Variants in ABCA4 observed in about 807,000 individuals in gnomAD.
ABCA4 encodes ATP binding cassette subfamily A member 4, also known as retinal-specific phospholipid-transporting ATPase ABCA4.
In ABCA4, 196 loss-of-function variants were observed where a neutral mutation model predicts 263.7. The observed-to-expected ratio is 0.74, with a 90% CI of 0.66 to 0.84. The LOEUF (loss-of-function observed/expected upper bound fraction) is 0.84. Among genes scored for constraint, ABCA4 ranks in the 40% least tolerant of loss-of-function variants. The pLI, the probability that ABCA4 is intolerant of heterozygous loss-of-function variation, is 0.00. For missense variants in ABCA4, 2,792 were observed against 2,855.1 expected, an observed-to-expected ratio of 0.98 and a Z score of 0.50; for synonymous variants, 1,133 against 1,094.2, an observed-to-expected ratio of 1.04 and a Z score of -0.70.
intron 26 of ABCA4, 86 bp downstream of exon 26, chr1:94,036,654 C>G: frequency 7.0e-7 from 1 of 1,424,572 alleles, no homozygotes; most frequent in Non-Finnish European, 9.9e-7. Flanking sequence ...CAGGCATGAG[C>G]CACTGTGCCC....
chr1:94,106,306 A>G (rs1323803783), intron 4 of ABCA4, among the ~76,000 whole-genome samples: 1 of 152,186 alleles, frequency 6.6e-6, no homozygotes, highest in Non-Finnish European at 1.5e-5. Flanking sequence ...TCCACATTGT[A>G]AAAGCCACAG....
At chr1:94,111,342 C>G in intron 3 of ABCA4, 96 bp downstream of exon 3, 2 of 1,507,044 alleles carry the variant, frequency 1.3e-6, no homozygotes, top group Non-Finnish European at 1.8e-6. Flanking sequence ...CACAAGAACA[C>G]TCAGTGCTCC....
intron 17 of ABCA4, among the ~76,000 whole-genome samples, 195 bp downstream of exon 17, chr1:94,051,438 C>T (rs938040692): frequency 4.6e-5 from 7 of 152,204 alleles, no homozygotes; most frequent in African/African-American, 1.7e-4. Flanking sequence ...CATGATCACA[C>T]AGGGCCCAGC....
At chr1:94,054,980 T>G in intron 16 of ABCA4, 131 bp downstream of exon 16, 1 of 992,022 alleles carries the variant, frequency 1.0e-6, no homozygotes. Context: ...GATTTTTAAC[T>G]TCTAGATTTA....
rs1427296561 is a variant in ABCA4, at chr1:94,001,865, A to G, written c.6275T>C (p.Val2092Ala). The change falls in exon 45 of 50, where the codon GTG becomes GCG. Residue 2092 changes from valine (V) to alanine (A), a missense_variant. By Grantham distance (64) the Val-to-Ala change is moderately conservative. Transcript: ENST00000370225. Reference sequence around the variant, plus strand: ...GCCCAAGCCCGCAGTTACCAGCAGCACCAGCGGTGGGCAGCCAATGAGTGC... The same window carrying G: ...GCCCAAGCCCGCAGTTACCAGCAGCGCCAGCGGTGGGCAGCCAATGAGTGC... ...AIALIGCPPL[V>A]LLDEPTTGMD... is the part of the protein sequence containing the mutation. The G allele has an allele frequency of 5.0e-6, 8 of 1,614,220 alleles. No individual in the cohort carries two copies. The South Asian group carries it at 8.8e-5, about 18-fold the overall frequency.
intron 47 of ABCA4, among the ~76,000 whole-genome samples, chr1:93,999,837 C>G (rs1255583308): frequency 2.0e-5 from 3 of 152,182 alleles, no homozygotes; most frequent in Non-Finnish European, 2.9e-5. Context: ...GGAGACTTCC[C>G]TTTCTCCAGC....
In ABCA4 at chr1:94,014,675, G is replaced by A; in HGVS notation, c.5328C>T (p.Pro1776=). ...LLLLYGWAVI[P]MMYPASFLFD... is the part of the protein sequence containing the mutation. ...ACAGGAAGGATGCTGGGTACATCAT[G>A]GGAATGACCGCCCATCTGTGTGAAA... Residue 1776 remains proline, a synonymous_variant, in exon 38 of 50, where the codon CCC becomes CCT. Coordinates refer to ENST00000370225, the MANE Select transcript of ABCA4 (RefSeq NM_000350.3). The A allele has an allele frequency of 6.2e-7, 1 of 1,614,178 alleles. No individual in the cohort carries two copies. Among genetic ancestry groups the A allele is most frequent in the Non-Finnish European group, 8.5e-7 (1 of 1,180,030 alleles).
intron 31 of ABCA4, among the ~76,000 whole-genome samples, chr1:94,024,128 GTTA>G (rs1275074184): frequency 1.3e-5 from 2 of 152,316 alleles, no homozygotes; most frequent in African/African-American, 4.8e-5. Flanking sequence ...GTGTGTTCTA[GTTA>G]ATTAAGTCAA....
chr1:93,993,288 G>A (rs1162295462), intron 49 of ABCA4, 46 bp from the exon 50 acceptor site: 1 of 1,613,354 alleles, frequency 6.2e-7, no homozygotes, highest in Non-Finnish European at 8.5e-7. Flanking sequence ...GGTTTTCTGA[G>A]ATGCTGTACT....
chr1:94,021,377 CA>C lies in ABCA4; in HGVS notation c.4880del (p.Leu1627ArgfsTer35), dbSNP rs763911476. Reference protein sequence around the residue: ...VWFNNKGWHALVSFLNVAHNA... With the variant: ...VWFNNKGWHAXVSFLNVAHNA... ...TGTGGGCCACATTGAGAAAGCTGAC[CA>C]GGGCATGCCAGCCTTTGTTATTAAA... On this transcript the variant is annotated frameshift_variant, in exon 35 of 50. Coordinates refer to ENST00000370225, the MANE Select transcript of ABCA4 (RefSeq NM_000350.3). LOFTEE classifies it high-confidence loss of function. 5 of 1,614,168 alleles carry C rather than the reference CA, an allele frequency of 3.1e-6. No individual in the cohort carries two copies. The Admixed American group carries it at 6.7e-5, about 22-fold the overall frequency.
intron 1 of ABCA4, among the ~76,000 whole-genome samples, chr1:94,114,482 G>A (rs893693556): frequency 3.5e-5 from 5 of 144,040 alleles, no homozygotes; most frequent in African/African-American, 7.8e-5. Context: ...GACTCTCCGT[G>A]AGGCACTTTT....
At chr1:94,007,177 T>G (rs931588193) in intron 43 of ABCA4, among the ~76,000 whole-genome samples, 3 of 152,164 alleles carry the variant, frequency 2.0e-5, no homozygotes, top group African/African-American at 7.2e-5. Flanking sequence ...TCTTCATTCA[T>G]CACAGGGGTT....
intron 14 of ABCA4, among the ~76,000 whole-genome samples, chr1:94,060,125 TC>T (rs1049615393): frequency 5.2e-4 from 79 of 152,322 alleles, no homozygotes; most frequent in African/African-American, 1.8e-3. Flanking sequence ...CAAAAGGCTT[TC>T]CCCATTTCAA....
chr1:94,042,637 C>T lies in ABCA4; in HGVS notation c.3328+124G>A, dbSNP rs910228356. 1.5e-5 allele frequency: 20 copies of T among 1,347,752 alleles called. No individual in the cohort carries two copies. The South Asian group carries it at 2.3e-4, about 16-fold the overall frequency. The allele number at this position is 1,347,752 out of a possible 1,614,324, so 83.5% of individuals were successfully genotyped here. ...TTAGATTCACCAAGTCACTGATAAA[C>T]CCCCTTCTGAGTGTAGTCATTGTGG... On this transcript the variant is annotated intron_variant, in intron 22 of 49. Coordinates refer to ENST00000370225, the MANE Select transcript of ABCA4 (RefSeq NM_000350.3).
chr1:94,046,947 G>A lies in ABCA4; in HGVS notation c.2890C>T (p.His964Tyr). 6.2e-7 allele frequency: 1 copy of A among 1,614,158 alleles called. No individual in the cohort carries two copies. The highest frequency in any genetic ancestry group is 8.5e-7 in the Non-Finnish European group (1 of 1,180,028). The change falls in exon 19 of 50, where the codon CAC becomes TAC. Residue 964 changes from histidine to tyrosine, a missense_variant. Physicochemically the swap from His to Tyr is moderately conservative, Grantham distance 83. Transcript: ENST00000370225. Reference sequence around the variant, plus strand: ...GTGGTGGTTTTCCCAGCTCCATTGTGGCCCAGGAATGCGGTGATCTGGTTC... The same window carrying A: ...GTGGTGGTTTTCCCAGCTCCATTGTAGCCCAGGAATGCGGTGATCTGGTTC... Reference protein sequence around the residue: ...YENQITAFLGHNGAGKTTTLS... With the variant: ...YENQITAFLGYNGAGKTTTLS...
Position 94,098,809 on chromosome 1 carries a change from GA to G in ABCA4, c.752del (p.Phe251SerfsTer11), listed in dbSNP as rs2101135446. 1 of 1,614,198 alleles carries G rather than the reference GA, an allele frequency of 6.2e-7. No homozygotes were observed. Among genetic ancestry groups the G allele is most frequent in the Non-Finnish European group, 8.5e-7 (1 of 1,180,028 alleles). On this transcript the variant is annotated frameshift_variant, in exon 6 of 50. Transcript: ENST00000370225. LOFTEE classifies it high-confidence loss of function. ...EDTLYANVDF[F>X]KLFRVLPTLL... ...CCTCCCTTACCACACGGAAGAGCTTGAAGAAGTCCACGTTGGCATACAGAGT... is the reference window on the plus strand; with the variant it reads ...CCTCCCTTACCACACGGAAGAGCTTGAGAAGTCCACGTTGGCATACAGAGT...
At chr1:94,056,453 C>T in intron 15 of ABCA4, 148 bp downstream of exon 15, 2 of 841,986 alleles carry the variant, frequency 2.4e-6, no homozygotes, top group Non-Finnish European at 3.9e-6. Flanking sequence ...CCACTTTTGC[C>T]CCTGTACATT....
At chr1:94,065,195 T>C (rs1371759186) in intron 11 of ABCA4, among the ~76,000 whole-genome samples, 1 of 152,096 alleles carries the variant, frequency 6.6e-6, no homozygotes, top group East Asian at 1.9e-4. Flanking sequence ...TGGGAAAGGC[T>C]GGATCCACAG....
At chr1:94,048,744 CCA>C (rs1483113183) in intron 18 of ABCA4, 122 bp downstream of exon 18, 2 of 903,046 alleles carry the variant, frequency 2.2e-6, no homozygotes, top group Non-Finnish European at 3.6e-6. Flanking sequence ...TAACACTTGT[CCA>C]CAGAGAGAGT....
Sources: gnomAD v4.1 joint callset for allele counts (sites outside exome capture counted in the v4.1 genomes callset) on GRCh38, gnomAD v4.1.1 for gene constraint, MANE v1.5 for transcripts, NCBI Gene and HGNC (gene_info 2026-07-23, HGNC 2026-07-21) for gene names.